ZNF438: variants seen among roughly 807,000 people sequenced by gnomAD.
The protein encoded by ZNF438 is zinc finger protein 438.
ZNF438 carries 25 observed loss-of-function variants against 38.0 expected under a neutral mutation model. That is an observed-to-expected ratio of 0.66 (90% CI 0.48 to 0.92). The LOEUF is 0.92. Ranked by LOEUF, ZNF438 falls within the 40% of genes least tolerant of loss-of-function variation. The pLI, the probability that ZNF438 is intolerant of heterozygous loss-of-function variation, is 0.00. For synonymous variants in ZNF438, 372 were observed against 364.1 expected (o/e 1.02, Z -0.25); for missense variants, 1,007 against 999.6 (o/e 1.01, Z -0.10).
chr10:30,865,169 T>C (rs1420901203), intron 4 of ZNF438, among the ~76,000 whole-genome samples: 1 of 152,228 alleles, frequency 6.6e-6, no homozygotes, highest in Non-Finnish European at 1.5e-5. Context: ...AAGATCTTTT[T>C]GAACAACCTT....
chr10:30,955,691 T>G (rs2048788705), intron 1 of ZNF438, among the ~76,000 whole-genome samples: 1 of 152,190 alleles, frequency 6.6e-6, no homozygotes, highest in South Asian at 2.1e-4. Context: ...ATCACCAAGC[T>G]GGGACCTGCC....
At chr10:30,879,786 T>TA (rs1192794302) in intron 3 of ZNF438, among the ~76,000 whole-genome samples, 2 of 151,686 alleles carry the variant, frequency 1.3e-5, no homozygotes, top group South Asian at 2.1e-4. Flanking sequence ...ACAGTAAAAT[T>TA]AAAAAAACAA....
intron 2 of ZNF438, among the ~76,000 whole-genome samples, chr10:30,927,261 A>C (rs2045060402): frequency 6.6e-6 from 1 of 151,420 alleles, no homozygotes; most frequent in East Asian, 1.9e-4. Flanking sequence ...GATACCTATA[A>C]GCCTTTGACT....
intron 2 of ZNF438, among the ~76,000 whole-genome samples, chr10:30,914,237 T>C (rs2043361895): frequency 6.6e-6 from 1 of 152,038 alleles, no homozygotes; most frequent in Non-Finnish European, 1.5e-5. Context: ...TAAGGATCCA[T>C]TTAAATAACA....
At chr10:30,858,529 A>G (rs1219941923) in intron 4 of ZNF438, among the ~76,000 whole-genome samples, 1 of 152,228 alleles carries the variant, frequency 6.6e-6, no homozygotes, top group Non-Finnish European at 1.5e-5. Flanking sequence ...GAATTTATTG[A>G]GCACTGACTA....
rs1383872137 is a variant in ZNF438 at position 30,912,202 on chromosome 10, T to C, written c.-114-3187A>G. On this transcript the variant is annotated intron_variant, in intron 2 of 5. Coordinates refer to ENST00000413025, the Ensembl canonical transcript of ZNF438. The stretch of plus-strand genomic sequence containing the variant: ...TAAATGTTCTGACTTCATGTCCTCA[T>C]CTCCTATTCACTCCTCATATGTGCT... 1.3e-5 allele frequency among the ~76,000 whole-genome samples: 2 copies of C among 152,026 alleles called. 1 individual carries two copies. The highest frequency in any genetic ancestry group is 1.3e-4 in the Admixed American group (2 of 15,252).
Position 30,989,462 on chromosome 10 carries a change from A to C in ZNF438, c.-192+42371T>G, listed in dbSNP as rs149888162. Among the ~76,000 whole-genome samples, 616 of 152,266 alleles carry C rather than the reference A, an allele frequency of 4.0e-3. 7 individuals are homozygous for C. Among genetic ancestry groups the C allele is most frequent in the African/African-American group, 0.014 (578 of 41,512 alleles). On this transcript the variant is annotated intron_variant, in intron 1 of 5. Coordinates refer to ENST00000413025, the Ensembl canonical transcript of ZNF438. ...CTATGGCCACATCTTCCTATACCAGAATGATACATAACCCAATAACCCTGA... is the reference window on the plus strand; with the variant it reads ...CTATGGCCACATCTTCCTATACCAGCATGATACATAACCCAATAACCCTGA...
intron 1 of ZNF438, among the ~76,000 whole-genome samples, chr10:30,969,455 C>T (rs1172083004): frequency 1.3e-5 from 2 of 152,204 alleles, no homozygotes; most frequent in Non-Finnish European, 2.9e-5. Flanking sequence ...TATGCAGTCT[C>T]ATGACACTGT....
chr10:30,986,815 A>G (rs1233448964), intron 1 of ZNF438, among the ~76,000 whole-genome samples: 1 of 152,220 alleles, frequency 6.6e-6, no homozygotes, highest in African/African-American at 2.4e-5. Flanking sequence ...TTCTGATTTT[A>G]GATCAGAGAT....
intron 3 of ZNF438, among the ~76,000 whole-genome samples, chr10:30,900,610 A>G (rs2041865840): frequency 6.6e-6 from 1 of 152,156 alleles, no homozygotes; most frequent in Admixed American, 6.5e-5. Flanking sequence ...TATGATCCCC[A>G]TTTTACATAC....
At chr10:30,922,302 G>A (rs553548852) in intron 2 of ZNF438, among the ~76,000 whole-genome samples, 144 of 152,214 alleles carry the variant, frequency 9.5e-4, no homozygotes, top group African/African-American at 3.3e-3. Flanking sequence ...ATCTATATTA[G>A]AATTAGAATT....
intron 4 of ZNF438, among the ~76,000 whole-genome samples, chr10:30,871,656 A>G (rs903242393): frequency 2.6e-5 from 4 of 152,246 alleles, no homozygotes; most frequent in Non-Finnish European, 5.9e-5. Context: ...CTGTAAGTAT[A>G]CACTTTTATG....
intron 3 of ZNF438, among the ~76,000 whole-genome samples, chr10:30,900,672 T>C (rs2041872923): frequency 6.6e-6 from 1 of 152,206 alleles, no homozygotes; most frequent in African/African-American, 2.4e-5. Flanking sequence ...CTCACCCAGC[T>C]AGTAAAATGT....
At chr10:31,014,326 G>C (rs560053244) in intron 1 of ZNF438, among the ~76,000 whole-genome samples, 1 of 152,312 alleles carries the variant, frequency 6.6e-6, no homozygotes, top group African/African-American at 2.4e-5. Flanking sequence ...TCCAAGATCA[G>C]GGTGCCAGCA....
At chr10:30,950,150 T>C (rs2047989537) in intron 1 of ZNF438, among the ~76,000 whole-genome samples, 1 of 149,586 alleles carries the variant, frequency 6.7e-6, no homozygotes, top group Non-Finnish European at 1.5e-5. Flanking sequence ...GAATGACTAC[T>C]GGGTACATAA....
chr10:30,907,838 T>G (rs113376839), intron 3 of ZNF438, among the ~76,000 whole-genome samples: 1 of 152,050 alleles, frequency 6.6e-6, no homozygotes, highest in African/African-American at 2.4e-5. Context: ...TGCACTTTCA[T>G]CTTTATTATT....
chr10:30,905,972 G>GT (rs2042541956), intron 3 of ZNF438, among the ~76,000 whole-genome samples: 2 of 152,112 alleles, frequency 1.3e-5, no homozygotes, highest in Non-Finnish European at 2.9e-5. Flanking sequence ...TAGCTTTGTA[G>GT]TAAGTCTTGA....
chr10:30,914,735 A>C (rs988592393), intron 2 of ZNF438, among the ~76,000 whole-genome samples: 23 of 152,024 alleles, frequency 1.5e-4, no homozygotes, highest in African/African-American at 5.6e-4. Context: ...CAGTTTCTTC[A>C]TGTTCTACCT....
intron 1 of ZNF438, chr10:30,999,636 C>T (rs1277467270): frequency 6.6e-6 from 1 of 152,260 alleles, no homozygotes; most frequent in South Asian, 2.1e-4. Context: ...CCCCCATAAG[C>T]TCCACTGTTT....
Sources: gnomAD v4.1 joint callset for allele counts (sites outside exome capture counted in the v4.1 genomes callset) on GRCh38, gnomAD v4.1.1 for gene constraint, MANE v1.5 for transcripts, NCBI Gene and HGNC (gene_info 2026-07-23, HGNC 2026-07-21) for gene names.